JAK1: variants seen among roughly 807,000 people sequenced by gnomAD.
The protein encoded by JAK1 is tyrosine-protein kinase JAK1.
In JAK1, 16 loss-of-function variants were observed where a neutral mutation model predicts 136.6. The ratio of observed to expected loss-of-function variants is 0.12; its 90% confidence interval spans 0.08 to 0.18. The LOEUF (loss-of-function observed/expected upper bound fraction) is 0.18, where lower values mean the gene tolerates loss of function less well. JAK1 is among the 10% of genes least tolerant of loss of function. The probability of loss-of-function intolerance (pLI) is 1.00; values close to 1 mark genes in which losing one functional copy is unlikely to be tolerated. For missense variants in JAK1, 859 were observed against 1,450.1 expected (o/e 0.59, Z 6.62); for synonymous variants, 492 against 519.5 (o/e 0.95, Z 0.72).
intron 1 of JAK1, among the ~76,000 whole-genome samples, chr1:64,903,361 A>G (rs1284694099): frequency 6.6e-6 from 1 of 151,968 alleles, no homozygotes; most frequent in African/African-American, 2.4e-5. Context: ...CTGCTCCAAA[A>G]CTCACCCTAG....
intron 1 of JAK1, among the ~76,000 whole-genome samples, chr1:65,046,644 G>C (rs962601905): frequency 1.3e-5 from 2 of 151,962 alleles, no homozygotes; most frequent in African/African-American, 4.8e-5. Context: ...TCTGGCACTG[G>C]GGATGGGGCT....
chr1:64,895,523 T>C (rs1645001643), intron 1 of JAK1, among the ~76,000 whole-genome samples: 1 of 152,240 alleles, frequency 6.6e-6, no homozygotes, highest in African/African-American at 2.4e-5. Flanking sequence ...CAGCTGAATA[T>C]GAAACAGTGA....
At chr1:64,854,749 A>G (rs1462764711) in intron 11 of JAK1, among the ~76,000 whole-genome samples, 1 of 152,028 alleles carries the variant, frequency 6.6e-6, no homozygotes. Flanking sequence ...ACCCAGCTCC[A>G]TGGCATAGCA....
At chr1:64,874,414 A>G (rs1340662774) in intron 4 of JAK1, among the ~76,000 whole-genome samples, 1 of 152,090 alleles carries the variant, frequency 6.6e-6, no homozygotes, top group Non-Finnish European at 1.5e-5. Context: ...AATACATAAG[A>G]TATATACAGG....
chr1:64,882,414 C>A (rs1013063980), intron 3 of JAK1, among the ~76,000 whole-genome samples: 1 of 152,134 alleles, frequency 6.6e-6, no homozygotes, highest in Non-Finnish European at 1.5e-5. Flanking sequence ...GTTGATAGAA[C>A]CTTTTTAAAA....
intron 2 of JAK1, among the ~76,000 whole-genome samples, chr1:65,015,468 TA>T (rs1036831445): frequency 6.6e-6 from 1 of 150,988 alleles, no homozygotes; most frequent in Non-Finnish European, 1.5e-5. Context: ...TAAACAGAGT[TA>T]AAAAAAGGAA....
chr1:64,943,960 C>T (rs1387148730), intron 1 of JAK1, among the ~76,000 whole-genome samples: 6 of 151,574 alleles, frequency 4.0e-5, no homozygotes, highest in African/African-American at 1.2e-4. Context: ...CAGTGGCTCA[C>T]GCCTGTAATC....
At chr1:65,065,971 C>T (rs1569984219) in intron 1 of JAK1, among the ~76,000 whole-genome samples, 1 of 151,630 alleles carries the variant, frequency 6.6e-6, no homozygotes, top group East Asian at 2.0e-4. Flanking sequence ...ATCTGCAGAT[C>T]ACAACTTGCC....
At chr1:64,936,168 A>C (rs1645786022) in intron 1 of JAK1, among the ~76,000 whole-genome samples, 1 of 152,216 alleles carries the variant, frequency 6.6e-6, no homozygotes, top group Admixed American at 6.5e-5. Flanking sequence ...AAGATTAAGC[A>C]ACAGAGGAGA....
At chr1:65,015,468 T>TA (rs1036831445) in intron 2 of JAK1, among the ~76,000 whole-genome samples, 22 of 151,106 alleles carry the variant, frequency 1.5e-4, no homozygotes, top group African/African-American at 4.6e-4. Context: ...TAAACAGAGT[T>TA]AAAAAAAGGA....
chr1:64,877,359 G>A (rs1644689491), intron 4 of JAK1, among the ~76,000 whole-genome samples: 1 of 151,932 alleles, frequency 6.6e-6, no homozygotes, highest in Non-Finnish European at 1.5e-5. Flanking sequence ...AAGGGCCTGT[G>A]GTAACAAAGC....
intron 1 of JAK1, among the ~76,000 whole-genome samples, chr1:64,910,029 T>C (rs1645256034): frequency 6.6e-6 from 1 of 152,170 alleles, no homozygotes; most frequent in Non-Finnish European, 1.5e-5. Flanking sequence ...TCTCAGGCAG[T>C]ATAGGTCTCT....
intron 2 of JAK1, among the ~76,000 whole-genome samples, chr1:65,002,034 T>C (rs1299798938): frequency 1.3e-5 from 2 of 152,004 alleles, no homozygotes; most frequent in East Asian, 1.9e-4. Context: ...AAAACTATCT[T>C]ATTTCATCTT....
At chr1:65,020,182 G>A (rs1467429929) in intron 2 of JAK1, among the ~76,000 whole-genome samples, 6 of 135,328 alleles carry the variant, frequency 4.4e-5, no homozygotes, top group Non-Finnish European at 6.0e-5. Flanking sequence ...CTGAGATCAC[G>A]CCATTGCACT....
intron 2 of JAK1, among the ~76,000 whole-genome samples, chr1:65,035,167 T>C (rs559632089): frequency 5.9e-5 from 9 of 152,230 alleles, no homozygotes; most frequent in African/African-American, 2.2e-4. Context: ...GATTAAGAGG[T>C]CATTAACCCA....
chr1:64,836,189 G>T lies in JAK1; in HGVS notation c.3167C>A (p.Ser1056Tyr). 1 of 1,609,988 alleles carries T rather than the reference G, an allele frequency of 6.2e-7. No individual in the cohort carries two copies. Among genetic ancestry groups the T allele is most frequent in the Non-Finnish European group, 8.5e-7 (1 of 1,176,280 alleles). ...GACGTCAGAGGCAATATAAAATTTA[G>T]ATTGCATTAAACATTCTGGAGCATA... Reference protein sequence around the residue: ...FWYAPECLMQSKFYIASDVWS... With the variant: ...FWYAPECLMQYKFYIASDVWS... Residue 1056 changes from serine (S) to tyrosine (Y), a missense_variant, in exon 23 of 25, where the codon TCT becomes TAT. Ser to Tyr is a moderately radical substitution (Grantham distance 144). Coordinates refer to ENST00000342505, the MANE Select transcript of JAK1 (RefSeq NM_002227.4).
At chr1:64,869,092 C>T (rs1254391464) in intron 6 of JAK1, among the ~76,000 whole-genome samples, 1 of 152,190 alleles carries the variant, frequency 6.6e-6, no homozygotes, top group Admixed American at 6.5e-5. Flanking sequence ...TCAGAAATTT[C>T]ACCCAAGCAC....
chr1:65,054,413 T>A (rs954256876), intron 1 of JAK1, among the ~76,000 whole-genome samples: 2 of 152,100 alleles, frequency 1.3e-5, no homozygotes, highest in East Asian at 1.9e-4. Flanking sequence ...ATATATGATT[T>A]TATATATATG....
At chr1:65,050,880 C>A (rs1647265289) in intron 1 of JAK1, among the ~76,000 whole-genome samples, 1 of 152,158 alleles carries the variant, frequency 6.6e-6, no homozygotes, top group African/African-American at 2.4e-5. Flanking sequence ...CCACTGGGAG[C>A]CTGAGAGCCT....
Sources: allele counts gnomAD v4.1 joint callset (sites outside exome capture counted in the v4.1 genomes callset), GRCh38; gene constraint gnomAD v4.1.1; transcripts MANE v1.5; gene names NCBI Gene and HGNC (gene_info 2026-07-23, HGNC 2026-07-21).